MARCHF1: variants seen among roughly 807,000 people sequenced by gnomAD.
The protein encoded by MARCHF1 is membrane associated ring-CH-type finger 1, also known as E3 ubiquitin-protein ligase MARCHF1.
In MARCHF1, 40 loss-of-function variants were observed where a neutral mutation model predicts 54.2. The ratio of observed to expected loss-of-function variants is 0.74; its 90% confidence interval spans 0.57 to 0.96. MARCHF1 has a LOEUF of 0.96. Ranked by LOEUF, MARCHF1 falls within the 40% of genes least tolerant of loss-of-function variation. MARCHF1 has a pLI of 0.00. For missense variants in MARCHF1, 586 were observed against 656.5 expected, an observed-to-expected ratio of 0.89 and a Z score of 1.17; for synonymous variants, 236 against 236.3, an observed-to-expected ratio of 1.00 and a Z score of 0.01.
At chr4:163,953,269 T>C (rs1414006360) in intron 3 of MARCHF1, among the ~76,000 whole-genome samples, 3 of 152,284 alleles carry the variant, frequency 2.0e-5, no homozygotes, top group South Asian at 4.1e-4. Flanking sequence ...TGTGATACAA[T>C]GTAAAATATT....
chr4:164,314,379 C>T (rs185991840), intron 1 of MARCHF1, among the ~76,000 whole-genome samples: 14 of 152,308 alleles, frequency 9.2e-5, no homozygotes, highest in Admixed American at 8.5e-4. Flanking sequence ...TAGCTGCTCT[C>T]TCTTACCACC....
chr4:164,064,112 T>G (rs911808151), intron 2 of MARCHF1, among the ~76,000 whole-genome samples: 2 of 152,242 alleles, frequency 1.3e-5, no homozygotes, highest in African/African-American at 4.8e-5. Context: ...CTAGCTTTGT[T>G]CTTTTGTCTT....
intron 4 of MARCHF1, among the ~76,000 whole-genome samples, chr4:163,727,018 C>T (rs2111311908): frequency 6.6e-6 from 1 of 152,240 alleles, no homozygotes; most frequent in Admixed American, 6.5e-5. Flanking sequence ...CAGGTTGTGA[C>T]CTGTCTTCTC....
chr4:164,318,990 G>C (rs1415063926), intron 1 of MARCHF1, among the ~76,000 whole-genome samples: 1 of 152,106 alleles, frequency 6.6e-6, no homozygotes, highest in Non-Finnish European at 1.5e-5. Flanking sequence ...AAAATACAGA[G>C]TTAAAGAACC....
chr4:163,817,360 T>C (rs1007128070), intron 4 of MARCHF1, among the ~76,000 whole-genome samples: 2 of 149,404 alleles, frequency 1.3e-5, no homozygotes, highest in African/African-American at 2.5e-5. Flanking sequence ...CACATATACA[T>C]ACATACATAT....
At chr4:163,680,960 ATAT>A (rs1051791937) in intron 5 of MARCHF1, among the ~76,000 whole-genome samples, 8 of 150,962 alleles carry the variant, frequency 5.3e-5, no homozygotes, top group African/African-American at 1.9e-4. Context: ...ACACACATAT[ATAT>A]TATTGAGTAC....
intron 4 of MARCHF1, among the ~76,000 whole-genome samples, chr4:163,774,790 C>G (rs1020708389): frequency 6.6e-6 from 1 of 152,094 alleles, no homozygotes; most frequent in Non-Finnish European, 1.5e-5. Flanking sequence ...GTGACCACGC[C>G]CAGTCACGTT....
At chr4:164,259,555 A>AG (rs1733398701) in intron 1 of MARCHF1, among the ~76,000 whole-genome samples, 1 of 139,538 alleles carries the variant, frequency 7.2e-6, no homozygotes, top group Admixed American at 7.0e-5. Context: ...AAAAAAAAAA[A>AG]AAAAAAAAAA....
intron 1 of MARCHF1, among the ~76,000 whole-genome samples, chr4:164,233,278 T>C (rs570284383): frequency 6.6e-6 from 1 of 152,274 alleles, no homozygotes; most frequent in African/African-American, 2.4e-5. Context: ...TCAAAGTTAC[T>C]GATAATCAGA....
Position 164,346,124 on chromosome 4 carries a change from C to A in MARCHF1, c.-323+37746G>T, listed in dbSNP as rs185965148. On this transcript the variant is annotated intron_variant, in intron 1 of 9. Transcript: ENST00000514618. Reference sequence around the variant, plus strand: ...TGTGCAGCTTATGACCACATTATTTCTTTGGGTATCAGAACTGAGACTTTG... The same window carrying A: ...TGTGCAGCTTATGACCACATTATTTATTTGGGTATCAGAACTGAGACTTTG... Among the ~76,000 whole-genome samples the A allele has an allele frequency of 3.5e-4, 54 of 152,244 alleles. 1 individual carries two copies. In the East Asian group the frequency reaches 9.6e-3, roughly 27 times the overall value.
At chr4:163,731,577 G>T (rs896914896) in intron 4 of MARCHF1, among the ~76,000 whole-genome samples, 6 of 152,212 alleles carry the variant, frequency 3.9e-5, no homozygotes. Context: ...AACCAAGGAG[G>T]CTAGATGTCA....
intron 1 of MARCHF1, among the ~76,000 whole-genome samples, chr4:164,300,139 A>T (rs945104686): frequency 6.6e-6 from 1 of 152,056 alleles, no homozygotes; most frequent in African/African-American, 2.4e-5. Flanking sequence ...ATTCAATTCT[A>T]AAGTCTCTTC....
chr4:163,755,143 C>A (rs973599569), intron 4 of MARCHF1, among the ~76,000 whole-genome samples: 1 of 152,040 alleles, frequency 6.6e-6, no homozygotes, highest in African/African-American at 2.4e-5. Flanking sequence ...CAAAGATAGC[C>A]CCTCACAGCA....
intron 4 of MARCHF1, among the ~76,000 whole-genome samples, chr4:163,811,725 G>A (rs1176488975): frequency 6.6e-6 from 1 of 152,124 alleles, no homozygotes; most frequent in Admixed American, 6.6e-5. Flanking sequence ...TACTATAATA[G>A]TAATGATTCA....
At chr4:164,254,623 A>G (rs1024180721) in intron 1 of MARCHF1, among the ~76,000 whole-genome samples, 4 of 152,110 alleles carry the variant, frequency 2.6e-5, no homozygotes, top group African/African-American at 9.7e-5. Flanking sequence ...AGGTCCTACA[A>G]TAGGCTGTCT....
chr4:164,303,495 A>T (rs942918164), intron 1 of MARCHF1, among the ~76,000 whole-genome samples: 4 of 152,222 alleles, frequency 2.6e-5, no homozygotes, highest in Non-Finnish European at 4.4e-5. Context: ...AGGATTAAAT[A>T]ATCCTTTCAC....
In MARCHF1 at chr4:163,893,112, C is replaced by T. The variant is rs552960427; in HGVS notation, c.-38-38943G>A. 5.9e-5 allele frequency among the ~76,000 whole-genome samples: 9 copies of T among 151,594 alleles called. No individual in the cohort carries two copies. In the South Asian group the frequency reaches 1.7e-3, roughly 28 times the overall value. On this transcript the variant is annotated intron_variant, in intron 3 of 9. Transcript: ENST00000514618. Reference sequence around the variant, plus strand: ...GACAGTAAACAAACCTCCTTCCGCTCCAGAGGGAGACCCAACCTTACATAC... The same window carrying T: ...GACAGTAAACAAACCTCCTTCCGCTTCAGAGGGAGACCCAACCTTACATAC...
intron 2 of MARCHF1, among the ~76,000 whole-genome samples, chr4:163,994,935 C>G (rs960738839): frequency 6.6e-6 from 1 of 152,052 alleles, no homozygotes; most frequent in Non-Finnish European, 1.5e-5. Context: ...CTGTGATTTT[C>G]TATTTTACAC....
At chr4:163,536,463 C>A (rs559835144) in intron 9 of MARCHF1, among the ~76,000 whole-genome samples, 17 of 152,230 alleles carry the variant, frequency 1.1e-4, no homozygotes, top group Middle Eastern at 3.4e-3. Flanking sequence ...CCCACTGTTA[C>A]ACTTCCATGT....
Sources: gnomAD v4.1 joint callset for allele counts (sites outside exome capture counted in the v4.1 genomes callset) on GRCh38, gnomAD v4.1.1 for gene constraint, MANE v1.5 for transcripts, NCBI Gene and HGNC (gene_info 2026-07-23, HGNC 2026-07-21) for gene names.